DGKG: variants seen among roughly 807,000 people sequenced by gnomAD.
DGKG encodes DAG kinase gamma.
In DGKG, 78 loss-of-function variants were observed where a neutral mutation model predicts 105.3. That is an observed-to-expected ratio of 0.74 (90% confidence interval 0.62 to 0.89). The LOEUF is 0.89. Among genes scored for constraint, DGKG ranks in the 40% least tolerant of loss-of-function variants. The pLI is 0.00. For missense variants in DGKG, 958 were observed against 1,020.1 expected, an observed-to-expected ratio of 0.94 and a Z score of 0.83; for synonymous variants, 346 against 367.1, an observed-to-expected ratio of 0.94 and a Z score of 0.66.
intron 13 of DGKG, among the ~76,000 whole-genome samples, chr3:186,265,941 A>G (rs1036729636): frequency 2.0e-5 from 3 of 152,040 alleles, no homozygotes; most frequent in Non-Finnish European, 4.4e-5. Flanking sequence ...AAGTGCTGGG[A>G]TTACAGGTGT....
At position 186,149,319 on chromosome 3, in the gene DGKG, G is replaced by T. The variant is rs1715647243; in HGVS notation, c.*771C>A. 1 of 985,134 alleles carries T rather than the reference G, an allele frequency of 1.0e-6. No homozygotes were observed. 61.0% of individuals were successfully genotyped at this position (985,134 alleles called of 1,614,324 possible). A position where few individuals can be genotyped will look rare whatever the true frequency, so the allele number is the denominator to read the frequency against. On this transcript the variant is annotated 3_prime_UTR_variant, in exon 25 of 25. Coordinates refer to ENST00000265022, the MANE Select transcript of DGKG (RefSeq NM_001346.3). ...CCAGTTTCTCCGCTCTCCCTCCCAG[G>T]TGTTCACAGAACTAAGAAAATAAAT...
At chr3:186,240,663 A>G (rs973552152) in intron 20 of DGKG, among the ~76,000 whole-genome samples, 1 of 152,116 alleles carries the variant, frequency 6.6e-6, no homozygotes, top group African/African-American at 2.4e-5. Context: ...TACAAAAATC[A>G]GCTGGGTGTG....
rs200584591 is a variant in DGKG, at chr3:186,253,171, A to G, written c.1522T>C (p.Phe508Leu). Reference protein sequence around the residue: ...WILDCIDKANFAKHPPVAVLP... With the variant: ...WILDCIDKANLAKHPPVAVLP... Reference sequence around the variant, plus strand: ...ACAGCCACTGGTGGATGCTTTGCAAAGTTGGCCTTATCTGCAAGACACACA... The same window carrying G: ...ACAGCCACTGGTGGATGCTTTGCAAGGTTGGCCTTATCTGCAAGACACACA... The change falls in exon 18 of 25, where the codon TTT (phenylalanine) becomes CTT (leucine). Residue 508 changes from phenylalanine to leucine, a missense_variant. This residue lies in a region of DGKG where 315 missense variants were observed against 400.6 expected (regional missense o/e 0.79). Transcript: ENST00000265022. The G allele has an allele frequency of 2.5e-5, 40 of 1,614,022 alleles. No homozygotes were observed. The highest frequency in any genetic ancestry group is 5.0e-5 in the Admixed American group (3 of 60,000).
intron 1 of DGKG, among the ~76,000 whole-genome samples, chr3:186,347,234 G>A (rs2108666953): frequency 6.6e-6 from 1 of 152,066 alleles, no homozygotes; most frequent in Non-Finnish European, 1.5e-5. Flanking sequence ...GGATCACGAG[G>A]TCAGGAGATC....
At chr3:186,241,445 C>T (rs1720680915) in intron 20 of DGKG, among the ~76,000 whole-genome samples, 1 of 151,956 alleles carries the variant, frequency 6.6e-6, no homozygotes, top group African/African-American at 2.4e-5. Context: ...CCCAGCTACT[C>T]AGGAGGCTGA....
chr3:186,301,752 T>C (rs942499728), intron 3 of DGKG, among the ~76,000 whole-genome samples: 2 of 152,182 alleles, frequency 1.3e-5, no homozygotes, highest in African/African-American at 4.8e-5. Context: ...AAGTGGAAAT[T>C]AGATGAATGT....
At chr3:186,353,411 C>G (rs949034842) in intron 1 of DGKG, among the ~76,000 whole-genome samples, 1 of 151,794 alleles carries the variant, frequency 6.6e-6, no homozygotes, top group Admixed American at 6.6e-5. Flanking sequence ...CCCAGCTACT[C>G]GAGAGGTTGA....
Position 186,268,676 on chromosome 3 carries a change from G to C in DGKG, c.1116+125C>G, listed in dbSNP as rs550641611. 2.3e-4 allele frequency: 151 copies of C among 661,034 alleles called. No individual in the cohort carries two copies. The African/African-American group carries it at 2.5e-3, about 11-fold the overall frequency. 40.9% of individuals were successfully genotyped at this position (661,034 alleles called of 1,614,324 possible). The stretch of plus-strand genomic sequence containing the variant: ...TGAGGGCATTGAATAGGCGCTGTGG[G>C]GTCCTCCTAGCCTCGCTCCCCTGGC... On this transcript the variant is annotated intron_variant, in intron 12 of 24. Coordinates refer to ENST00000265022, the MANE Select transcript of DGKG (RefSeq NM_001346.3).
intron 20 of DGKG, among the ~76,000 whole-genome samples, chr3:186,218,227 G>A (rs1038408371): frequency 5.3e-5 from 8 of 152,022 alleles, no homozygotes; most frequent in African/African-American, 1.7e-4. Context: ...GCTTGGGGCC[G>A]GGCACAGTGG....
intron 22 of DGKG, among the ~76,000 whole-genome samples, chr3:186,180,415 C>T (rs1578629536): frequency 6.6e-6 from 1 of 152,218 alleles, no homozygotes; most frequent in East Asian, 1.9e-4. Context: ...TGGTTACTCC[C>T]CAGAGCTAAG....
chr3:186,351,695 G>T (rs1276822398), intron 1 of DGKG, among the ~76,000 whole-genome samples: 1 of 152,240 alleles, frequency 6.6e-6, no homozygotes, highest in Non-Finnish European at 1.5e-5. Context: ...GACAGTGGAT[G>T]TAAGTGCAGG....
chr3:186,203,224 A>G lies in DGKG; in HGVS notation c.1917+8571T>C, dbSNP rs6786973. Among the ~76,000 whole-genome samples, 1,058 of 152,312 alleles carry G rather than the reference A, an allele frequency of 6.9e-3. 7 individuals carry two copies. Among genetic ancestry groups the G allele is most frequent in the African/African-American group, 0.024 (1,000 of 41,560 alleles). ...GTCAGTGCACGACTGAAAGAGACAGAGATGGGGATGATGGAGCTGCATTTA... is the reference window on the plus strand; with the variant it reads ...GTCAGTGCACGACTGAAAGAGACAGGGATGGGGATGATGGAGCTGCATTTA... On this transcript the variant is annotated intron_variant, in intron 21 of 24. Coordinates refer to ENST00000265022, the MANE Select transcript of DGKG (RefSeq NM_001346.3). This position sits in a 1 kb window ranked among gnomAD's most constrained non-coding sequence, Gnocchi z 4.9.
chr3:186,267,959 C>T (rs1722135480), intron 12 of DGKG, among the ~76,000 whole-genome samples, 182 bp from the exon 13 acceptor site: 1 of 151,942 alleles, frequency 6.6e-6, no homozygotes, highest in African/African-American at 2.4e-5. Flanking sequence ...GTTAAGGGTG[C>T]AAAGTCTGCT....
chr3:186,155,599 T>C (rs1237285462), intron 24 of DGKG, among the ~76,000 whole-genome samples: 1 of 152,246 alleles, frequency 6.6e-6, no homozygotes, highest in East Asian at 1.9e-4. Flanking sequence ...TCAATCTCTC[T>C]GTATTTCTGG....
At chr3:186,229,652 A>C (rs112925363) in intron 20 of DGKG, among the ~76,000 whole-genome samples, 2,025 of 152,272 alleles carry the variant, frequency 0.013, 23 homozygotes, top group Middle Eastern at 0.044. Context: ...GTTGGTATTA[A>C]CTTCTGTATG....
At chr3:186,247,274 C>T (rs1353276268) in intron 19 of DGKG, among the ~76,000 whole-genome samples, 1 of 152,130 alleles carries the variant, frequency 6.6e-6, no homozygotes, top group African/African-American at 2.4e-5. Flanking sequence ...TATTTATTCC[C>T]TCAGCTATTA....
intron 1 of DGKG, among the ~76,000 whole-genome samples, chr3:186,342,278 G>A (rs557418207): frequency 4.6e-5 from 7 of 152,308 alleles, no homozygotes; most frequent in Non-Finnish European, 1.0e-4. Context: ...GATATCATGA[G>A]TGAGCAGAAT....
intron 5 of DGKG, among the ~76,000 whole-genome samples, chr3:186,291,802 TTCA>T (rs1489563575): frequency 1.3e-5 from 2 of 152,204 alleles, no homozygotes; most frequent in African/African-American, 2.4e-5. Context: ...GATGGGTATG[TTCA>T]TCATATTAAT....
chr3:186,272,787 C>T (rs1033034585), intron 10 of DGKG, among the ~76,000 whole-genome samples: 5 of 151,444 alleles, frequency 3.3e-5, no homozygotes, highest in African/African-American at 4.9e-5. Flanking sequence ...GGTGTGATCT[C>T]GGCTCACTGC....
Sources: allele counts gnomAD v4.1 joint callset (sites outside exome capture counted in the v4.1 genomes callset), GRCh38; gene constraint gnomAD v4.1.1; regional missense constraint gnomAD v4.1.1; non-coding constraint Gnocchi (gnomAD v3.1); transcripts MANE v1.5; gene names NCBI Gene and HGNC (gene_info 2026-07-23, HGNC 2026-07-21).